The following MARCHF8 variants were observed in gnomAD, a reference collection of about 807,000 sequenced individuals.
MARCHF8 encodes E3 ubiquitin-protein ligase MARCHF8.
A neutral mutation model predicts 51.6 loss-of-function variants in MARCHF8; 40 were observed. That is an observed-to-expected ratio of 0.77 (90% confidence interval 0.60 to 1.01). MARCHF8 has a LOEUF of 1.01. Among genes scored for constraint, MARCHF8 ranks in the 50% least tolerant of loss-of-function variants. The pLI, the probability that MARCHF8 is intolerant of heterozygous loss-of-function variation, is 0.00. For missense variants in MARCHF8, 685 were observed against 708.6 expected, an observed-to-expected ratio of 0.97 and a Z score of 0.38; for synonymous variants, 263 against 280.3, an observed-to-expected ratio of 0.94 and a Z score of 0.62.
intron 2 of MARCHF8, among the ~76,000 whole-genome samples, chr10:45,522,472 G>T (rs2043723175): frequency 6.6e-6 from 1 of 152,094 alleles, no homozygotes; most frequent in Admixed American, 6.5e-5. Flanking sequence ...ACACACCTTG[G>T]GTAACAATCC....
intron 1 of MARCHF8, chr10:45,593,496 C>G (rs1202377081): frequency 1.3e-5 from 2 of 152,220 alleles, no homozygotes; most frequent in Non-Finnish European, 2.9e-5. Flanking sequence ...TATTTCATGA[C>G]TCTCAACGAC....
intron 3 of MARCHF8, among the ~76,000 whole-genome samples, chr10:45,473,842 C>T (rs2042739006): frequency 6.6e-6 from 1 of 152,128 alleles, no homozygotes; most frequent in Admixed American, 6.5e-5. Flanking sequence ...ACTGAAGATG[C>T]CTTTCATTGT....
chr10:45,472,094 C>G (rs17451757), intron 3 of MARCHF8, among the ~76,000 whole-genome samples: 1,739 of 151,502 alleles, frequency 0.011, 20 homozygotes, highest in Non-Finnish European at 0.014. Context: ...GAAAAATGAC[C>G]CTCACTTCCT....
intron 1 of MARCHF8, among the ~76,000 whole-genome samples, chr10:45,574,839 C>T (rs35468901): frequency 0.011 from 1,728 of 152,216 alleles, 20 homozygotes; most frequent in Non-Finnish European, 0.014. Flanking sequence ...GCCCACCCCA[C>T]TACCTCTCAG....
intron 1 of MARCHF8, among the ~76,000 whole-genome samples, chr10:45,551,363 G>A (rs2044192549): frequency 6.6e-6 from 1 of 152,136 alleles, no homozygotes; most frequent in Non-Finnish European, 1.5e-5. Flanking sequence ...AAGAGTTTCT[G>A]TCAACTGCCC....
At chr10:45,579,132 A>T (rs1198302545) in intron 1 of MARCHF8, among the ~76,000 whole-genome samples, 5 of 152,238 alleles carry the variant, frequency 3.3e-5, no homozygotes, top group Admixed American at 1.3e-4. Flanking sequence ...GCTCTTAGAA[A>T]TACATGTTGA....
At chr10:45,560,334 C>A (rs2044295528) in intron 1 of MARCHF8, among the ~76,000 whole-genome samples, 1 of 152,128 alleles carries the variant, frequency 6.6e-6, no homozygotes, top group East Asian at 1.9e-4. Flanking sequence ...CAGCTAGACT[C>A]TCTTATCTGG....
intron 1 of MARCHF8, among the ~76,000 whole-genome samples, chr10:45,592,390 G>C (rs1250419561): frequency 1.3e-5 from 2 of 152,122 alleles, no homozygotes; most frequent in Non-Finnish European, 2.9e-5. Flanking sequence ...CATCAGAACA[G>C]TCCACGGCTT....
chr10:45,569,545 A>T (rs1454579049), intron 1 of MARCHF8, among the ~76,000 whole-genome samples: 1 of 152,176 alleles, frequency 6.6e-6, no homozygotes, highest in African/African-American at 2.4e-5. Context: ...CATCAGAGAT[A>T]TTGGCCTGCA....
chr10:45,517,044 T>G (rs2043631238), intron 2 of MARCHF8, among the ~76,000 whole-genome samples: 1 of 152,046 alleles, frequency 6.6e-6, no homozygotes, highest in Non-Finnish European at 1.5e-5. Context: ...AAAAGCAAAT[T>G]AAAAGGACAG....
intron 1 of MARCHF8, among the ~76,000 whole-genome samples, chr10:45,546,745 A>ACACT (rs749596911): frequency 1.3e-5 from 2 of 151,350 alleles, no homozygotes; most frequent in Admixed American, 6.6e-5. Context: ...TTGTACCACT[A>ACACT]CACTCCAGCC....
intron 1 of MARCHF8, among the ~76,000 whole-genome samples, chr10:45,593,950 G>T (rs1168988269): frequency 6.6e-6 from 1 of 152,222 alleles, no homozygotes; most frequent in Admixed American, 6.5e-5. Flanking sequence ...GTCCTCAAGG[G>T]TAGTTAGCGT....
intron 3 of MARCHF8, among the ~76,000 whole-genome samples, chr10:45,485,041 G>C (rs2042955534): frequency 6.6e-6 from 1 of 152,210 alleles, no homozygotes; most frequent in African/African-American, 2.4e-5. Context: ...TAGGAGGCCT[G>C]GGCCTGGGAA....
At chr10:45,459,650 G>A in intron 6 of MARCHF8, 1 of 941,100 alleles carries the variant, frequency 1.1e-6, no homozygotes, top group Non-Finnish European at 1.3e-6. Context: ...GACTGGCATG[G>A]ACGAGCGGAA....
At chr10:45,491,034 G>C (rs554122472) in intron 2 of MARCHF8, among the ~76,000 whole-genome samples, 1 of 152,324 alleles carries the variant, frequency 6.6e-6, no homozygotes, top group East Asian at 1.9e-4. Flanking sequence ...CTCCCGAGCA[G>C]CTAGGACTAC....
intron 2 of MARCHF8, among the ~76,000 whole-genome samples, chr10:45,500,245 T>C (rs1041721389): frequency 2.0e-5 from 3 of 152,172 alleles, no homozygotes; most frequent in Non-Finnish European, 2.9e-5. Context: ...TATTAGTATA[T>C]AGAAACACAG....
At chr10:45,522,847 G>A (rs1231215140) in intron 2 of MARCHF8, among the ~76,000 whole-genome samples, 1 of 152,174 alleles carries the variant, frequency 6.6e-6, no homozygotes, top group African/African-American at 2.4e-5. Flanking sequence ...AAAGTGGTAT[G>A]GAAGATATAA....
chr10:45,489,036 T>A (rs2043035165), intron 3 of MARCHF8, among the ~76,000 whole-genome samples: 1 of 152,202 alleles, frequency 6.6e-6, no homozygotes, highest in Admixed American at 6.5e-5. Flanking sequence ...TAAGTCATCA[T>A]AGTTAGCTTT....
chr10:45,492,506 C>G (rs1176905840), intron 2 of MARCHF8, among the ~76,000 whole-genome samples: 3 of 152,248 alleles, frequency 2.0e-5, no homozygotes, highest in Admixed American at 6.5e-5. Flanking sequence ...ACTGTGTTAG[C>G]CAGGATGGTC....
Sources: gnomAD v4.1 joint callset for allele counts (sites outside exome capture counted in the v4.1 genomes callset) on GRCh38, gnomAD v4.1.1 for gene constraint, MANE v1.5 for transcripts, NCBI Gene and HGNC (gene_info 2026-07-23, HGNC 2026-07-21) for gene names.